HHATL: variants seen among roughly 807,000 people sequenced by gnomAD.
HHATL encodes the protein hedgehog acyltransferase like.
Under a neutral mutation model 59.7 loss-of-function variants are expected in HHATL, and 49 were observed. The ratio of observed to expected loss-of-function variants is 0.82; its 90% CI spans 0.65 to 1.04. HHATL has a LOEUF of 1.04. Among genes scored for constraint, HHATL ranks in the 50% least tolerant of loss-of-function variants. HHATL has a pLI of 0.00. For synonymous variants in HHATL, 238 were observed against 257.3 expected, an observed-to-expected ratio of 0.93 and a Z score of 0.72; for missense variants, 605 against 650.8, an observed-to-expected ratio of 0.93 and a Z score of 0.77.
In HHATL at chr3:42,698,217, G is replaced by A. The variant is rs1697732062; in HGVS notation, c.618C>T (p.Asp206=). 2 of 1,614,212 alleles carry A rather than the reference G, an allele frequency of 1.2e-6. No individual in the cohort carries two copies. The highest frequency in any genetic ancestry group is 2.2e-5 in the South Asian group (2 of 91,084). Residue 206 remains aspartate, a synonymous_variant, in exon 6 of 12, where the codon GAC becomes GAT. Transcript: ENST00000441594. ...AHPDRHYSLA[D]LLKYNFYLPF... is the part of the protein sequence containing the mutation. ...GCAGGTAGAAGTTGTACTTGAGCAG[G>A]TCAGCTAAGGAGTAGTGGCGGTCAG...
In HHATL at chr3:42,701,647, C is replaced by A. The variant is rs1479681827; in HGVS notation, c.-13-808G>T. Reference sequence around the variant, plus strand: ...TCCAAGGTGCTGACCAGAATCAGGCCCCGGCTGAGTCTCACCACTCCCTCC... The same window carrying A: ...TCCAAGGTGCTGACCAGAATCAGGCACCGGCTGAGTCTCACCACTCCCTCC... On this transcript the variant is annotated intron_variant, in intron 1 of 11. Coordinates refer to ENST00000441594, the MANE Select transcript of HHATL (RefSeq NM_020707.4). The surrounding 1 kb of genome is among the most constrained non-coding windows in gnomAD (Gnocchi z 5.1). 1 of 152,354 alleles carries A rather than the reference C, an allele frequency of 6.6e-6. No individual in the cohort carries two copies. Among genetic ancestry groups the A allele is most frequent in the Non-Finnish European group, 1.5e-5 (1 of 68,178 alleles). 9.4% of individuals were successfully genotyped at this position (152,354 alleles called of 1,614,324 possible). A position where few individuals can be genotyped will look rare whatever the true frequency, so the allele number is the denominator to read the frequency against.
chr3:42,693,046 C>A, intron 11 of HHATL, 31 bp downstream of exon 11: 1 of 1,612,822 alleles, frequency 6.2e-7, no homozygotes, highest in Non-Finnish European at 8.5e-7. Flanking sequence ...ATGCCTGGCA[C>A]CTTCTGTATC....
rs750604620 is a variant in HHATL at position 42,693,240 on chromosome 3, G to T, written c.1249-22C>A. ...AGGCCTATCCGGTCCAGGAAAGCAT[G>T]GGCAGCGGGACAAGAGGCCAAAGGA... On this transcript the variant is annotated intron_variant, in intron 10 of 11. Coordinates refer to ENST00000441594, the MANE Select transcript of HHATL (RefSeq NM_020707.4). 1.9e-6 allele frequency: 3 copies of T among 1,611,850 alleles called. No individual in the cohort carries two copies. In the Admixed American group the frequency reaches 5.0e-5, roughly 27 times the overall value.
At chr3:42,699,406 T>C (rs1575243646) in intron 3 of HHATL, among the ~76,000 whole-genome samples, 1 of 151,902 alleles carries the variant, frequency 6.6e-6, no homozygotes, top group Non-Finnish European at 1.5e-5. Context: ...GGCAGGAGGG[T>C]AGAGAGGAGT....
At chr3:42,696,925 C>T in intron 8 of HHATL, 48 bp from the exon 9 acceptor site, 1 of 1,614,060 alleles carries the variant, frequency 6.2e-7, no homozygotes, top group Non-Finnish European at 8.5e-7. Context: ...CGCAGAGCTC[C>T]CCAGGCATGG....
At chr3:42,697,192 C>A in intron 7 of HHATL, 47 bp from the exon 8 acceptor site, 1 of 1,505,044 alleles carries the variant, frequency 6.6e-7, no homozygotes, top group Non-Finnish European at 8.9e-7. Context: ...CGCCTGGGGC[C>A]TGCCCCCATG....
intron 9 of HHATL, among the ~76,000 whole-genome samples, chr3:42,694,885 C>T (rs945103162): frequency 7.2e-5 from 11 of 152,144 alleles, no homozygotes; most frequent in African/African-American, 2.4e-4. Flanking sequence ...TAACACTTAC[C>T]ACTCTCTAAA....
At position 42,699,840 on chromosome 3, in the gene HHATL, T is replaced by A. The variant is rs1697857608; in HGVS notation, c.107-15A>T. On this transcript the variant is annotated splice_polypyrimidine_tract_variant and intron_variant, in intron 2 of 11. Coordinates refer to ENST00000441594, the MANE Select transcript of HHATL (RefSeq NM_020707.4). ...GTGGGCCCCATCTGAGAACAGAGTG[T>A]GGCCTCAGGGAGAGGGGCCTTCACA... The A allele has an allele frequency of 1.3e-6, 2 of 1,553,442 alleles. No individual in the cohort carries two copies. Among genetic ancestry groups the A allele is most frequent in the Non-Finnish European group, 1.7e-6 (2 of 1,147,454 alleles).
In HHATL at chr3:42,698,312, G is replaced by A. The variant is rs1394384715; in HGVS notation, c.523C>T (p.Leu175=). ...GTGAAGCTGCTGCCCCCATGAAACA[G>A]CACCTCTTGAAGATCAAAAGTGCCT... ...VTGTFDLQEV[L]FHGGSSFTVL... The change falls in exon 6 of 12, where the codon CTG becomes TTG. Residue 175 remains leucine (L), a synonymous_variant. Transcript: ENST00000441594. 6.2e-7 allele frequency: 1 copy of A among 1,613,594 alleles called. No homozygotes were observed. The highest frequency in any genetic ancestry group is 1.3e-5 in the African/African-American group (1 of 74,894).
At chr3:42,700,987 C>T in intron 1 of HHATL, 148 bp from the exon 2 acceptor site, 1 of 610,220 alleles carries the variant, frequency 1.6e-6, no homozygotes, top group Non-Finnish European at 3.0e-6. Flanking sequence ...CTGCCTGCCC[C>T]TGTGCCCCCC....
intron 9 of HHATL, among the ~76,000 whole-genome samples, chr3:42,694,835 T>G (rs2125850047): frequency 6.6e-6 from 1 of 152,356 alleles, no homozygotes; most frequent in African/African-American, 2.4e-5. Context: ...GCTTCTACCC[T>G]GTTGTCAACT....
chr3:42,699,687 C>A, intron 3 of HHATL, 71 bp downstream of exon 3: 2 of 1,343,826 alleles, frequency 1.5e-6, no homozygotes, highest in South Asian at 1.3e-5. Flanking sequence ...CTGTTACTTG[C>A]CAACATCTGG....
chr3:42,698,088 A>G, intron 6 of HHATL, 54 bp downstream of exon 6: 1 of 1,542,702 alleles, frequency 6.5e-7, no homozygotes, highest in East Asian at 2.3e-5. Flanking sequence ...GGAAACCCCA[A>G]TCTGAAAAGG....
chr3:42,697,250 C>T, intron 7 of HHATL, 105 bp from the exon 8 acceptor site: 3 of 1,383,250 alleles, frequency 2.2e-6, no homozygotes, highest in South Asian at 1.5e-5. Context: ...GCTCTGCCCG[C>T]CCCACGGAGA....
At chr3:42,697,190 G>C (rs576146280) in intron 7 of HHATL, 45 bp from the exon 8 acceptor site, 25 of 1,507,776 alleles carry the variant, frequency 1.7e-5, no homozygotes, top group Non-Finnish European at 2.0e-5. Flanking sequence ...ATCGCCTGGG[G>C]CCTGCCCCCA....
At chr3:42,698,513 G>A (rs113059698) in intron 5 of HHATL, among the ~76,000 whole-genome samples, 162 bp from the exon 6 acceptor site, 91 of 144,076 alleles carry the variant, frequency 6.3e-4, no homozygotes, top group African/African-American at 2.3e-3. Flanking sequence ...CCAGCAATGC[G>A]AGGAGCAGGG....
rs767968453 is a variant in HHATL, at chr3:42,698,169, G to C, written c.666C>G (p.Ile222Met). Residue 222 changes from isoleucine to methionine, a missense_variant, in exon 6 of 12, where the codon ATC becomes ATG. Ile to Met is a conservative substitution (Grantham distance 10). Coordinates refer to ENST00000441594, the MANE Select transcript of HHATL (RefSeq NM_020707.4). ...GAGCATGGAAGCGATCAAAGGTCATGATGGGCCCGAAGAAGAAGAAGGGCA... is the reference window on the plus strand; with the variant it reads ...GAGCATGGAAGCGATCAAAGGTCATCATGGGCCCGAAGAAGAAGAAGGGCA... ...FYLPFFFFGPIMTFDRFHAQV... is the reference protein window; with the variant it reads ...FYLPFFFFGPMMTFDRFHAQV... 6.2e-7 allele frequency: 1 copy of C among 1,614,202 alleles called. No individual in the cohort carries two copies. The highest frequency in any genetic ancestry group is 1.1e-5 in the South Asian group (1 of 91,078).
At chr3:42,698,457 C>T (rs756986939) in intron 5 of HHATL, 106 bp from the exon 6 acceptor site, 13 of 1,101,570 alleles carry the variant, frequency 1.2e-5, no homozygotes, top group Non-Finnish European at 1.7e-5. Context: ...CTGGTCCTGT[C>T]CCTTCCTCTC....
At chr3:42,699,207 G>A in intron 3 of HHATL, 62 bp from the exon 4 acceptor site, 2 of 1,164,134 alleles carry the variant, frequency 1.7e-6, no homozygotes, top group South Asian at 2.4e-5. Context: ...GACAGGACGA[G>A]CTGGAACCTG....
Sources: gnomAD v4.1 joint callset for allele counts (sites outside exome capture counted in the v4.1 genomes callset) on GRCh38, gnomAD v4.1.1 for gene constraint, Gnocchi (gnomAD v3.1) non-coding constraint, MANE v1.5 for transcripts, NCBI Gene and HGNC (gene_info 2026-07-23, HGNC 2026-07-21) for gene names.